MARCHF1: variants seen among roughly 807,000 people sequenced by gnomAD.
The protein encoded by MARCHF1 is E3 ubiquitin-protein ligase MARCHF1.
In MARCHF1, 40 loss-of-function variants were observed where a neutral mutation model predicts 54.2. The ratio of observed to expected loss-of-function variants is 0.74; its 90% CI spans 0.57 to 0.96. The LOEUF is 0.96. Among genes scored for constraint, MARCHF1 ranks in the 40% least tolerant of loss-of-function variants. The pLI is 0.00. For missense variants in MARCHF1, 586 were observed against 656.5 expected, an observed-to-expected ratio of 0.89 and a Z score of 1.17; for synonymous variants, 236 against 236.3, an observed-to-expected ratio of 1.00 and a Z score of 0.01.
At chr4:163,620,734 G>A (rs745963485) in intron 5 of MARCHF1, among the ~76,000 whole-genome samples, 16 of 151,896 alleles carry the variant, frequency 1.1e-4, no homozygotes, top group Admixed American at 3.3e-4. Context: ...TCTTGTTAGG[G>A]TAAATAGTGC....
intron 3 of MARCHF1, among the ~76,000 whole-genome samples, chr4:163,939,490 TG>T: frequency 6.6e-6 from 1 of 152,254 alleles, no homozygotes; most frequent in South Asian, 2.1e-4. Context: ...CTGTAGTGGG[TG>T]GTCTGTGATA....
Position 164,215,369 on chromosome 4 carries a change from G to A in MARCHF1, c.-322-103707C>T, listed in dbSNP as rs112027605. ...GTCCAGCTGCTTGTTTTCTTCCACC[G>A]ATGCATTCCTCTCCATGTCCAACTG... On this transcript the variant is annotated intron_variant, in intron 1 of 9. Coordinates refer to ENST00000514618, the MANE Select transcript of MARCHF1 (RefSeq NM_001394959.1). Among the ~76,000 whole-genome samples the A allele has an allele frequency of 1.9e-3, 295 of 152,184 alleles. 1 individual carries two copies. The highest frequency in any genetic ancestry group is 6.4e-3 in the African/African-American group (267 of 41,516).
intron 3 of MARCHF1, among the ~76,000 whole-genome samples, chr4:163,873,538 C>T (rs77836987): frequency 0.013 from 1,932 of 152,226 alleles, 31 homozygotes; most frequent in African/African-American, 0.043. Flanking sequence ...GAGATGCAGC[C>T]GCTCAGACAG....
chr4:164,357,532 G>A (rs945362323), intron 1 of MARCHF1, among the ~76,000 whole-genome samples: 6 of 152,082 alleles, frequency 3.9e-5, no homozygotes, highest in East Asian at 3.9e-4. Flanking sequence ...CAGGTTCAGC[G>A]CATATGAGAT....
intron 1 of MARCHF1, among the ~76,000 whole-genome samples, chr4:164,133,674 G>A (rs898881283): frequency 6.6e-6 from 1 of 152,134 alleles, no homozygotes; most frequent in African/African-American, 2.4e-5. Context: ...TAGGCTGTCG[G>A]TAAGTTCTGA....
At chr4:163,828,054 C>CACACACACACACACAGAGAG (rs774603753) in intron 4 of MARCHF1, among the ~76,000 whole-genome samples, 1 of 148,204 alleles carries the variant, frequency 6.7e-6, no homozygotes. Context: ...CACACACACA[C>CACACACACACACACAGAGAG]AGACACACCT....
At chr4:164,156,960 T>C (rs985676) in intron 1 of MARCHF1, among the ~76,000 whole-genome samples, 29,022 of 152,114 alleles carry the variant, frequency 0.19, 4,415 homozygotes, top group African/African-American at 0.41. Context: ...TTAAAGAACT[T>C]GATTACATTC....
chr4:164,301,960 G>A (rs1389306151), intron 1 of MARCHF1, among the ~76,000 whole-genome samples: 2 of 152,200 alleles, frequency 1.3e-5, no homozygotes, highest in Non-Finnish European at 2.9e-5. Context: ...CTAGGACTGT[G>A]GAGGAGATAA....
At chr4:164,066,776 C>A (rs921906660) in intron 2 of MARCHF1, among the ~76,000 whole-genome samples, 2 of 152,046 alleles carry the variant, frequency 1.3e-5, no homozygotes, top group Non-Finnish European at 1.5e-5. Context: ...GAACAGAAAA[C>A]CAAATGCTGC....
At chr4:163,609,220 G>A (rs962818725) in intron 7 of MARCHF1, among the ~76,000 whole-genome samples, 1 of 152,046 alleles carries the variant, frequency 6.6e-6, no homozygotes, top group African/African-American at 2.4e-5. Context: ...CTGCTGGACA[G>A]CTGACCCTGG....
chr4:163,556,982 G>T (rs1739314713), intron 8 of MARCHF1, among the ~76,000 whole-genome samples: 1 of 151,814 alleles, frequency 6.6e-6, no homozygotes, highest in Non-Finnish European at 1.5e-5. Context: ...CTGGGGAAAG[G>T]TCCATGATTT....
intron 4 of MARCHF1, among the ~76,000 whole-genome samples, chr4:163,727,201 T>A (rs1745682684): frequency 6.6e-6 from 1 of 152,230 alleles, no homozygotes; most frequent in South Asian, 2.1e-4. Context: ...GCTGTAATTA[T>A]CCTGTAAAAA....
At chr4:164,100,939 G>C (rs931302430) in intron 2 of MARCHF1, among the ~76,000 whole-genome samples, 3 of 152,218 alleles carry the variant, frequency 2.0e-5, no homozygotes, top group African/African-American at 7.2e-5. Flanking sequence ...GCGAGGCATT[G>C]CCTCACTTGG....
At chr4:164,173,295 TG>T (rs139602204) in intron 1 of MARCHF1, among the ~76,000 whole-genome samples, 18,377 of 152,096 alleles carry the variant, frequency 0.12, 1,400 homozygotes, top group Admixed American at 0.21. Flanking sequence ...GGTTATAATT[TG>T]GGCAACCCGA....
At chr4:164,331,263 TA>T (rs1157172257) in intron 1 of MARCHF1, among the ~76,000 whole-genome samples, 2 of 151,708 alleles carry the variant, frequency 1.3e-5, no homozygotes, top group African/African-American at 4.8e-5. Context: ...TAAGTTACAT[TA>T]AAAAAAAGTA....
At chr4:164,011,903 G>A (rs758606460) in intron 2 of MARCHF1, among the ~76,000 whole-genome samples, 1 of 152,128 alleles carries the variant, frequency 6.6e-6, no homozygotes, top group East Asian at 1.9e-4. Flanking sequence ...AATGTGTTTT[G>A]TGGGGAGGGA....
At chr4:163,847,542 C>G (rs1390839268) in intron 4 of MARCHF1, among the ~76,000 whole-genome samples, 1 of 98,592 alleles carries the variant, frequency 1.0e-5, no homozygotes, top group African/African-American at 4.0e-5. Flanking sequence ...TTTCGAATTA[C>G]AGTTTGCTTT....
intron 2 of MARCHF1, among the ~76,000 whole-genome samples, chr4:164,022,640 A>G (rs563675348): frequency 1.3e-5 from 2 of 152,352 alleles, no homozygotes; most frequent in East Asian, 3.9e-4. Context: ...ACAGGGCTTC[A>G]GCCAGTGAGA....
chr4:164,047,495 T>G (rs1323333116), intron 2 of MARCHF1, among the ~76,000 whole-genome samples: 2 of 152,208 alleles, frequency 1.3e-5, no homozygotes, highest in Non-Finnish European at 2.9e-5. Flanking sequence ...CTATTAAATT[T>G]GTGGTAATTT....
Sources: allele counts gnomAD v4.1 joint callset (sites outside exome capture counted in the v4.1 genomes callset), GRCh38; gene constraint gnomAD v4.1.1; transcripts MANE v1.5; gene names NCBI Gene and HGNC (gene_info 2026-07-23, HGNC 2026-07-21).